The following KHK variants were observed in gnomAD, a reference collection of about 807,000 sequenced individuals.
KHK encodes the protein ketohexokinase.
In KHK, 37 loss-of-function variants were observed where a neutral mutation model predicts 36.0. The observed-to-expected ratio is 1.03, with a 90% CI of 0.79 to 1.35. The LOEUF is 1.35. Ranked by LOEUF, KHK falls within the 40% of genes most tolerant of loss-of-function variation. The pLI is 0.00. For synonymous variants in KHK, 161 were observed against 162.8 expected, an observed-to-expected ratio of 0.99 and a Z score of 0.08; for missense variants, 395 against 391.9, an observed-to-expected ratio of 1.01 and a Z score of -0.07.
Position 27,087,318 on chromosome 2 carries a change from TG to T in KHK, c.61del (p.Asp21ThrfsTer10). 1 of 1,600,430 alleles carries T rather than the reference TG, an allele frequency of 6.2e-7. No individual in the cohort carries two copies. Among genetic ancestry groups the T allele is most frequent in the East Asian group, 2.3e-5 (1 of 44,364 alleles). ...GLVVLDVISL[V>X]DKYPKEDSEI... ...GTGGTGCTGGACGTCATCAGCCTGG[TG>T]GACAAGTACCCTAAGGAGGACTCGG... is the stretch of plus-strand genomic sequence containing the variant. On this transcript the variant is annotated frameshift_variant, in exon 1 of 8. Transcript: ENST00000260598. LOFTEE classifies it high-confidence loss of function.
At position 27,098,847 on chromosome 2, in the gene KHK, C is replaced by T. The variant is rs58858032; in HGVS notation, c.565-349C>T. ...TCCATTGATCAGAGAACAAACGGACCAGGCCTTTTGTTTTACAATTTACAA... is the reference window on the plus strand; with the variant it reads ...TCCATTGATCAGAGAACAAACGGACTAGGCCTTTTGTTTTACAATTTACAA... On this transcript the variant is annotated intron_variant, in intron 5 of 7. Coordinates refer to ENST00000260598, the MANE Select transcript of KHK (RefSeq NM_006488.3). The T allele has an allele frequency of 1.6e-3, 468 of 284,940 alleles. 1 individual carries two copies. The highest frequency in any genetic ancestry group is 7.2e-3 in the African/African-American group (331 of 46,134). 17.7% of individuals were successfully genotyped at this position (284,940 alleles called of 1,614,324 possible).
chr2:27,095,045 AC>A, intron 3 of KHK, 111 bp downstream of exon 3: 1 of 1,275,988 alleles, frequency 7.8e-7, no homozygotes, highest in African/African-American at 1.5e-5. Flanking sequence ...GCTTCTGTGT[AC>A]CAGAAGTTGC....
intron 1 of KHK, among the ~76,000 whole-genome samples, chr2:27,090,305 G>A (rs767199443): frequency 1.1e-4 from 17 of 152,180 alleles, no homozygotes; most frequent in Non-Finnish European, 2.4e-4. Flanking sequence ...TTTGGGGTCA[G>A]GAAATTGGGT....
Position 27,097,238 on chromosome 2 carries a change from G to A in KHK, c.418-265G>A, listed in dbSNP as rs554707967. 1.3e-4 allele frequency among the ~76,000 whole-genome samples: 20 copies of A among 152,370 alleles called. No homozygotes were observed. The South Asian group carries it at 3.7e-3, about 28-fold the overall frequency. ...GTGGAAGGAAATCCTGAGAAGTCCT[G>A]AGTTCTAGCTCCATCATTTAACCTA... On this transcript the variant is annotated intron_variant, in intron 4 of 7. Coordinates refer to ENST00000260598, the MANE Select transcript of KHK (RefSeq NM_006488.3).
chr2:27,092,014 G>A (rs12714092), intron 1 of KHK, among the ~76,000 whole-genome samples: 46,917 of 152,116 alleles, frequency 0.31, 8,236 homozygotes, highest in Admixed American at 0.48. Flanking sequence ...AGGTGAGGAG[G>A]AGATGACCTG....
chr2:27,095,830 G>A (rs1485082296), intron 3 of KHK, among the ~76,000 whole-genome samples: 2 of 152,254 alleles, frequency 1.3e-5, no homozygotes, highest in Admixed American at 6.5e-5. Context: ...ATGTGCTACA[G>A]GTGACCTTCG....
rs547856736 is a variant in KHK, at chr2:27,100,346, C to T, written c.*596C>T. On this transcript the variant is annotated 3_prime_UTR_variant, in exon 8 of 8. Transcript: ENST00000260598. ...CCACCAGCCTGTGATTTGATGGGGT[C>T]TTCATTGTCCAGAAATACCTCCTCC... 308 of 1,045,736 alleles carry T rather than the reference C, an allele frequency of 2.9e-4. 1 individual carries two copies. The African/African-American group carries it at 4.5e-3, about 15-fold the overall frequency. 64.8% of individuals were successfully genotyped at this position (1,045,736 alleles called of 1,614,324 possible).
intron 1 of KHK, among the ~76,000 whole-genome samples, chr2:27,090,450 T>A (rs1204641719): frequency 5.3e-4 from 67 of 127,014 alleles, no homozygotes; most frequent in Admixed American, 1.6e-4. Flanking sequence ...TCTTTTTTCT[T>A]TCTTTTTTTT....
chr2:27,094,975 A>G lies in KHK; in HGVS notation c.344+41A>G, dbSNP rs1453396375. ...CTCGCCCTGCTACAACCCACCAATC[A>G]GTTGGCTCAATCAGTTCCCTCACTC... On this transcript the variant is annotated intron_variant, in intron 3 of 7. Coordinates refer to ENST00000260598, the MANE Select transcript of KHK (RefSeq NM_006488.3). 7.4e-6 allele frequency: 12 copies of G among 1,611,570 alleles called. No individual in the cohort carries two copies. In the Admixed American group the frequency reaches 2.0e-4, roughly 27 times the overall value.
Position 27,099,668 on chromosome 2 carries a change from G to A in KHK, c.815G>A (p.Arg272Lys). 6.2e-7 allele frequency: 1 copy of A among 1,614,152 alleles called. No homozygotes were observed. The highest frequency in any genetic ancestry group is 8.5e-7 in the Non-Finnish European group (1 of 1,180,022). Residue 272 changes from arginine (R) to lysine (K), a missense_variant, in exon 8 of 8, where the codon AGG becomes AAG. Physicochemically the swap from Arg to Lys is conservative, Grantham distance 26 (BLOSUM62 2). Coordinates refer to ENST00000260598, the MANE Select transcript of KHK (RefSeq NM_006488.3). ...ASVIFSLSQG[R>K]SVQEALRFGC... ...TAGCTACTTGCCCCTCCTCCAGGGA[G>A]GAGCGTGCAGGAAGCACTGAGATTC...
chr2:27,098,438 A>G (rs186828173), intron 5 of KHK, among the ~76,000 whole-genome samples: 111 of 150,956 alleles, frequency 7.4e-4, no homozygotes, highest in African/African-American at 2.6e-3. Context: ...GGATCACTTC[A>G]GCCAGTCATT....
Position 27,087,343 on chromosome 2 carries a change from G to T in KHK, c.84G>T (p.Ser28=), listed in dbSNP as rs1414020826. The change falls in exon 1 of 8, where the codon TCG becomes TCT. Residue 28 remains serine, a synonymous_variant. Transcript: ENST00000260598. ...TGGACAAGTACCCTAAGGAGGACTC[G>T]GAGATAAGGTAGGGGCGCCCAGGTC... ...SLVDKYPKED[S]EIRCLSQRWQ... The T allele has an allele frequency of 1.3e-6, 2 of 1,590,294 alleles. No homozygotes were observed. Among genetic ancestry groups the T allele is most frequent in the Non-Finnish European group, 1.7e-6 (2 of 1,167,868 alleles).
chr2:27,100,028 C>A lies in KHK; in HGVS notation c.*278C>A, dbSNP rs558568942. ...GGGCATTCCTGAGGCTCTGACTCTTCGATCCTCCCTCTTTGTGTCCATTCC... is the reference window on the plus strand; with the variant it reads ...GGGCATTCCTGAGGCTCTGACTCTTAGATCCTCCCTCTTTGTGTCCATTCC... On this transcript the variant is annotated 3_prime_UTR_variant, in exon 8 of 8. Transcript: ENST00000260598. The A allele has an allele frequency of 6.1e-6, 4 of 659,248 alleles. No homozygotes were observed. The highest frequency in any genetic ancestry group is 1.1e-5 in the Non-Finnish European group (4 of 378,616). 40.8% of individuals were successfully genotyped at this position (659,248 alleles called of 1,614,324 possible).
chr2:27,087,474 C>T (rs1437047717), intron 1 of KHK, 123 bp downstream of exon 1: 3 of 678,124 alleles, frequency 4.4e-6, no homozygotes, highest in East Asian at 2.9e-5. Context: ...AGGCCGGACC[C>T]GCGCCCTCTA....
chr2:27,099,246 G>A lies in KHK; in HGVS notation c.615G>A (p.Glu205=), dbSNP rs753241653. 9 of 1,614,066 alleles carry A rather than the reference G, an allele frequency of 5.6e-6. No individual in the cohort carries two copies. Among genetic ancestry groups the A allele is most frequent in the African/African-American group, 2.7e-5 (2 of 74,928 alleles). The change falls in exon 6 of 8, where the codon GAG becomes GAA. Residue 205 remains glutamate (E), a synonymous_variant. Coordinates refer to ENST00000260598, the MANE Select transcript of KHK (RefSeq NM_006488.3). Reference sequence around the variant, plus strand: ...AGCACTTGGGGTTCCAGTCAGCAGAGGAAGCCTTGAGGGGCTTGTATGGTC... The same window carrying A: ...AGCACTTGGGGTTCCAGTCAGCAGAAGAAGCCTTGAGGGGCTTGTATGGTC... The part of the protein sequence containing the change: ...VAKHLGFQSA[E]EALRGLYGRV...
intron 2 of KHK, chr2:27,094,515 T>C (rs1670210888): frequency 6.2e-6 from 10 of 1,613,852 alleles, no homozygotes; most frequent in African/African-American, 2.7e-5. Context: ...TCTGTGGACC[T>C]ACGCTACACA....
rs368277164 is a variant in KHK, at chr2:27,094,871, C to T, written c.281C>T (p.Thr94Ile). ...SQVAWQSKGDTPSSCCIINNS... is the reference protein window; with the variant it reads ...SQVAWQSKGDIPSSCCIINNS... Reference sequence around the variant, plus strand: ...GTGGCCTGGCAGAGCAAGGGGGACACCCCCAGCTCCTGCTGCATCATCAAC... The same window carrying T: ...GTGGCCTGGCAGAGCAAGGGGGACATCCCCAGCTCCTGCTGCATCATCAAC... The change falls in exon 3 of 8, where the codon ACC becomes ATC. Residue 94 changes from threonine (T) to isoleucine (I), a missense_variant. Physicochemically the swap from Thr to Ile is moderately conservative, Grantham distance 89. Transcript: ENST00000260598. 1.2e-5 allele frequency: 19 copies of T among 1,614,012 alleles called. No homozygotes were observed. Among genetic ancestry groups the T allele is most frequent in the Non-Finnish European group, 1.5e-5 (18 of 1,180,024 alleles).
At chr2:27,097,941 T>C (rs892666564) in intron 5 of KHK, among the ~76,000 whole-genome samples, 1 of 152,146 alleles carries the variant, frequency 6.6e-6, no homozygotes, top group African/African-American at 2.4e-5. Context: ...CAAGCCTGTG[T>C]GGAAGCATCT....
rs141247751 is a variant in KHK, at chr2:27,100,463, G to T, written c.*713G>T. 1 of 1,290,940 alleles carries T rather than the reference G, an allele frequency of 7.7e-7. No individual in the cohort carries two copies. Among genetic ancestry groups the T allele is most frequent in the African/African-American group, 1.5e-5 (1 of 65,872 alleles). 80.0% of individuals were successfully genotyped at this position (1,290,940 alleles called of 1,614,324 possible). On this transcript the variant is annotated 3_prime_UTR_variant, in exon 8 of 8. Transcript: ENST00000260598. ...AGCCACAAATGTGACCCAGGATACAGAGTGTTGCTGTCCTCAGGGAGGTCC... is the reference window on the plus strand; with the variant it reads ...AGCCACAAATGTGACCCAGGATACATAGTGTTGCTGTCCTCAGGGAGGTCC...
Sources: gnomAD v4.1 joint callset for allele counts (sites outside exome capture counted in the v4.1 genomes callset) on GRCh38, gnomAD v4.1.1 for gene constraint, MANE v1.5 for transcripts, NCBI Gene and HGNC (gene_info 2026-07-23, HGNC 2026-07-21) for gene names.